CEP126: variants seen among roughly 807,000 people sequenced by gnomAD.
CEP126 encodes centrosomal protein 126, also known as centrosomal protein of 126 kDa.
CEP126 carries 74 observed loss-of-function variants against 107.8 expected under a neutral mutation model. The ratio of observed to expected loss-of-function variants is 0.69; its 90% CI spans 0.57 to 0.83. CEP126 has a LOEUF of 0.83. Among genes scored for constraint, CEP126 ranks in the 40% least tolerant of loss-of-function variants. The probability of loss-of-function intolerance (pLI) is 0.00; values close to 1 mark genes in which losing one functional copy is unlikely to be tolerated. For missense variants in CEP126, 1,237 were observed against 1,281.9 expected (o/e 0.96, Z 0.53); for synonymous variants, 449 against 446.0 (o/e 1.01, Z -0.08).
chr11:101,953,556 G>GA (rs1180393922), intron 4 of CEP126, among the ~76,000 whole-genome samples: 2 of 152,140 alleles, frequency 1.3e-5, no homozygotes, highest in Non-Finnish European at 2.9e-5. Context: ...AGGAGCTCAA[G>GA]AAAGAGCCTG....
intron 1 of CEP126, 86 bp downstream of exon 1, chr11:101,915,498 C>A: frequency 6.7e-7 from 1 of 1,499,790 alleles, no homozygotes; most frequent in South Asian, 1.3e-5. Context: ...TTACCTTTGA[C>A]GCAGGGTGAT....
Position 101,962,402 on chromosome 11 carries a change from G to T in CEP126, c.1367G>T (p.Cys456Phe). The T allele has an allele frequency of 6.2e-7, 1 of 1,613,898 alleles. No individual in the cohort carries two copies. Among genetic ancestry groups the T allele is most frequent in the Non-Finnish European group, 8.5e-7 (1 of 1,179,892 alleles). ...ENGTTSIPTS[C>F]VPVATPLVLP... ...GGAACTACTTCAATTCCTACTTCAT[G>T]TGTACCAGTGGCAACGCCTTTAGTT... Residue 456 changes from cysteine to phenylalanine, a missense_variant, in exon 6 of 11, where the codon TGT (cysteine) becomes TTT (phenylalanine). Cys to Phe is a radical substitution (Grantham distance 205, BLOSUM62 -2). Coordinates refer to ENST00000263468, the MANE Select transcript of CEP126 (RefSeq NM_020802.4).
At chr11:101,918,356 G>A (rs1004134075) in intron 1 of CEP126, among the ~76,000 whole-genome samples, 1 of 152,202 alleles carries the variant, frequency 6.6e-6, no homozygotes, top group African/African-American at 2.4e-5. Flanking sequence ...GCTGAGGCAG[G>A]AAGATTGCTT....
intron 2 of CEP126, among the ~76,000 whole-genome samples, chr11:101,941,424 C>T (rs1940662279): frequency 6.6e-6 from 1 of 152,128 alleles, no homozygotes; most frequent in African/African-American, 2.4e-5. Context: ...GCTTATTTCA[C>T]TTAGCAGAAT....
chr11:101,966,714 A>G (rs1400422856), intron 6 of CEP126, among the ~76,000 whole-genome samples: 1 of 152,060 alleles, frequency 6.6e-6, no homozygotes, highest in Non-Finnish European at 1.5e-5. Flanking sequence ...TGCCTCAAAT[A>G]CCCTTTCCCT....
At chr11:101,957,942 T>G (rs888245156) in intron 4 of CEP126, among the ~76,000 whole-genome samples, 1 of 152,202 alleles carries the variant, frequency 6.6e-6, no homozygotes, top group African/African-American at 2.4e-5. Flanking sequence ...CATTCCTATA[T>G]GAAGGTGGAG....
At chr11:101,967,446 T>C (rs1941071508) in intron 6 of CEP126, among the ~76,000 whole-genome samples, 1 of 152,228 alleles carries the variant, frequency 6.6e-6, no homozygotes, top group South Asian at 2.1e-4. Flanking sequence ...TCTGCCTTCT[T>C]CTAAGTAGCA....
chr11:101,990,626 CTG>C (rs1941367901), intron 9 of CEP126, among the ~76,000 whole-genome samples: 1 of 152,128 alleles, frequency 6.6e-6, no homozygotes. Flanking sequence ...CTGCTTAAGA[CTG>C]AGCCTGGACC....
At chr11:101,930,805 CATT>C (rs1350930995) in intron 2 of CEP126, among the ~76,000 whole-genome samples, 3 of 152,222 alleles carry the variant, frequency 2.0e-5, no homozygotes, top group African/African-American at 7.2e-5. Flanking sequence ...CTTCACCTCT[CATT>C]GTTATTTTTA....
intron 2 of CEP126, among the ~76,000 whole-genome samples, chr11:101,926,506 G>A (rs1006789519): frequency 4.6e-5 from 7 of 152,196 alleles, no homozygotes; most frequent in Non-Finnish European, 7.3e-5. Flanking sequence ...AAAATCAGAG[G>A]AGTGTCATGA....
In CEP126 at chr11:101,998,089, AT is replaced by A. The variant is rs34047041; in HGVS notation, c.*453del. On this transcript the variant is annotated 3_prime_UTR_variant, in exon 11 of 11. Transcript: ENST00000263468. ...TGTTTATGAAGTATGGCATATTTTGATTTTTTTAATTGTAATAAATATTCTT... is the reference window on the plus strand; with the variant it reads ...TGTTTATGAAGTATGGCATATTTTGATTTTTTAATTGTAATAAATATTCTT... 78,883 of 153,574 alleles carry A rather than the reference AT, an allele frequency of 0.51. 20,798 individuals carry two copies. Among genetic ancestry groups the A allele is most frequent in the East Asian group, 0.78 (4,049 of 5,218 alleles). The allele number at this position is 153,574 out of a possible 1,614,324, so 9.5% of individuals were successfully genotyped here. A position where few individuals can be genotyped will look rare whatever the true frequency, so the allele number is the denominator to read the frequency against.
At chr11:101,926,296 GA>G (rs201621017) in intron 2 of CEP126, among the ~76,000 whole-genome samples, 4,378 of 152,300 alleles carry the variant, frequency 0.029, 86 homozygotes, top group African/African-American at 0.055. Flanking sequence ...GGAAGATGAA[GA>G]GGAAGGGAGA....
rs186129253 is a variant in CEP126 at position 101,964,081 on chromosome 11, G to A, written c.2845+201G>A. Among the ~76,000 whole-genome samples the A allele has an allele frequency of 1.3e-3, 191 of 152,008 alleles. 1 individual carries two copies. The highest frequency in any genetic ancestry group is 4.4e-3 in the African/African-American group (184 of 41,464). ...AGCACTTTGGGAGGCCCAGGCGGGC[G>A]GATCACTTGAGGCCAGGAGTTCAAG... On this transcript the variant is annotated intron_variant, in intron 6 of 10. Coordinates refer to ENST00000263468, the MANE Select transcript of CEP126 (RefSeq NM_020802.4).
chr11:101,970,809 CAATA>C (rs928015654), intron 6 of CEP126, among the ~76,000 whole-genome samples: 14 of 152,062 alleles, frequency 9.2e-5, no homozygotes, highest in Admixed American at 7.9e-4. Flanking sequence ...TTAATTCTCA[CAATA>C]AATCTGTGAG....
rs1372140300 is a variant in CEP126, at chr11:101,999,423, C to T, written c.*1780C>T. ...CCCTCACTTTAATACCTCTTAGGAA[C>T]CAAAGAATGCCTCTACAAGCAAAAA... is the stretch of plus-strand genomic sequence containing the variant. On this transcript the variant is annotated 3_prime_UTR_variant, in exon 11 of 11. Transcript: ENST00000263468. The T allele has an allele frequency of 7.2e-6, 1 of 138,426 alleles. No individual in the cohort carries two copies. Among genetic ancestry groups the T allele is most frequent in the Non-Finnish European group, 1.5e-5 (1 of 65,812 alleles). The allele number at this position is 138,426 out of a possible 1,614,324, so 8.6% of individuals were successfully genotyped here.
At chr11:101,952,295 G>A (rs142851862) in intron 4 of CEP126, among the ~76,000 whole-genome samples, 20 of 152,186 alleles carry the variant, frequency 1.3e-4, no homozygotes, top group Non-Finnish European at 2.2e-4. Flanking sequence ...GAAGAGCCTC[G>A]GTAAGGAGTT....
chr11:101,923,418 G>A (rs1291906618), intron 2 of CEP126, among the ~76,000 whole-genome samples: 2 of 152,148 alleles, frequency 1.3e-5, no homozygotes, highest in African/African-American at 4.8e-5. Flanking sequence ...TTTTGAGACA[G>A]AGCAGTTATG....
intron 6 of CEP126, among the ~76,000 whole-genome samples, chr11:101,977,630 C>CAAAAAAAAAAAAAA (rs952859970): frequency 1.9e-5 from 1 of 52,626 alleles, no homozygotes; most frequent in African/African-American, 7.2e-5. Flanking sequence ...GACTCTGTCT[C>CAAAAAAAAAAAAAA]AAAAAAAAAA....
intron 2 of CEP126, 133 bp downstream of exon 2, chr11:101,922,893 T>C: frequency 1.4e-6 from 1 of 715,734 alleles, no homozygotes; most frequent in Non-Finnish European, 2.2e-6. Context: ...AAGATTTGTG[T>C]GGCTTTGTAA....
Sources: allele counts gnomAD v4.1 joint callset (sites outside exome capture counted in the v4.1 genomes callset), GRCh38; gene constraint gnomAD v4.1.1; transcripts MANE v1.5; gene names NCBI Gene and HGNC (gene_info 2026-07-23, HGNC 2026-07-21).